The following DDX52 variants were observed in gnomAD, a reference collection of about 807,000 sequenced individuals.
DDX52 encodes DExD-box helicase 52.
DDX52 carries 59 observed loss-of-function variants against 76.1 expected under a neutral mutation model. The ratio of observed to expected loss-of-function variants is 0.78; its 90% CI spans 0.63 to 0.96. The LOEUF (loss-of-function observed/expected upper bound fraction) is 0.96, where lower values mean the gene tolerates loss of function less well. DDX52 is among the 40% of genes least tolerant of loss of function. DDX52 has a pLI of 0.00. For missense variants in DDX52, 707 were observed against 703.9 expected (o/e 1.00, Z -0.05); for synonymous variants, 231 against 244.1 (o/e 0.95, Z 0.50).
chr17:37,618,451 A>T, intron 13 of DDX52, 67 bp from the exon 14 acceptor site: 1 of 1,332,480 alleles, frequency 7.5e-7, no homozygotes, highest in Non-Finnish European at 1.0e-6. Flanking sequence ...TTAAAGCTAA[A>T]ATTAGTTTTG....
At chr17:37,640,460 T>C (rs12232470) in intron 2 of DDX52, among the ~76,000 whole-genome samples, 34,278 of 151,930 alleles carry the variant, frequency 0.23, 4,152 homozygotes, top group South Asian at 0.46. Flanking sequence ...ATTTGTTTTT[T>C]TTTGAGTCAG....
At chr17:37,617,921 G>A (rs1316749006) in intron 14 of DDX52, among the ~76,000 whole-genome samples, 1 of 152,000 alleles carries the variant, frequency 6.6e-6, no homozygotes, top group Admixed American at 6.6e-5. Context: ...GCTCAGCCTG[G>A]CCAACATGGT....
At chr17:37,621,768 T>A (rs1238971633) in intron 9 of DDX52, among the ~76,000 whole-genome samples, 1 of 152,196 alleles carries the variant, frequency 6.6e-6, no homozygotes, top group African/African-American at 2.4e-5. Flanking sequence ...TCAATCCCCC[T>A]ACACCCCACT....
chr17:37,626,152 T>C (rs1480052503), intron 7 of DDX52, 54 bp from the exon 8 acceptor site: 1 of 1,590,966 alleles, frequency 6.3e-7, no homozygotes, highest in Non-Finnish European at 8.6e-7. Flanking sequence ...CCAAGACACT[T>C]CACTAAACTG....
chr17:37,618,480 C>CT, intron 13 of DDX52, 96 bp from the exon 14 acceptor site: 1 of 1,061,468 alleles, frequency 9.4e-7, no homozygotes, highest in African/African-American at 1.7e-5. Context: ...TCACAAAATT[C>CT]ATTTTTTTTT....
chr17:37,614,396 G>A lies in DDX52; in HGVS notation c.1743-43C>T, dbSNP rs200428925. 94 of 1,579,948 alleles carry A rather than the reference G, an allele frequency of 5.9e-5. No homozygotes were observed. In the African/African-American group the frequency reaches 9.8e-4, roughly 16 times the overall value. On this transcript the variant is annotated intron_variant, in intron 14 of 14. Coordinates refer to ENST00000617633, the MANE Select transcript of DDX52 (RefSeq NM_007010.5). The stretch of plus-strand genomic sequence containing the variant: ...AGAAAAATTGAATAAAAAATTCTAC[G>A]TATATTTACTTTCCATAACCCTACC...
intron 2 of DDX52, among the ~76,000 whole-genome samples, chr17:37,633,940 CTTTTT>C (rs557054736): frequency 2.7e-4 from 35 of 129,992 alleles, no homozygotes; most frequent in African/African-American, 7.3e-4. Flanking sequence ...AATTTCTTTC[CTTTTT>C]TTTTTTTTTT....
chr17:37,614,265 A>C lies in DDX52; in HGVS notation c.*31T>G. On this transcript the variant is annotated 3_prime_UTR_variant, in exon 15 of 15. Transcript: ENST00000617633. ...ATTCATGCTGGGATCATAAAATTAC[A>C]TTTCTGGGACAGTATTTTTAAAGTC... The C allele has an allele frequency of 6.2e-7, 1 of 1,601,600 alleles. No individual in the cohort carries two copies. Among genetic ancestry groups the C allele is most frequent in the Non-Finnish European group, 8.5e-7 (1 of 1,173,100 alleles).
chr17:37,631,383 T>C (rs532714523), intron 4 of DDX52: 2 of 152,370 alleles, frequency 1.3e-5, no homozygotes, highest in South Asian at 4.1e-4. Flanking sequence ...GATTAATGTG[T>C]GATTCCACTC....
At position 37,612,322 on chromosome 17, in the gene DDX52, C is replaced by T. The variant is rs2064377408; in HGVS notation, c.*1974G>A. ...AAACTCCTGAGCTCAGACAACCTGCCCGCCTAGGCCTCCCGAAGTGTTAGG... is the reference window on the plus strand; with the variant it reads ...AAACTCCTGAGCTCAGACAACCTGCTCGCCTAGGCCTCCCGAAGTGTTAGG... On this transcript the variant is annotated 3_prime_UTR_variant, in exon 15 of 15. Coordinates refer to ENST00000617633, the MANE Select transcript of DDX52 (RefSeq NM_007010.5). 1 of 152,046 alleles carries T rather than the reference C, an allele frequency of 6.6e-6. No homozygotes were observed. The highest frequency in any genetic ancestry group is 1.5e-5 in the Non-Finnish European group (1 of 68,020). 9.4% of individuals were successfully genotyped at this position (152,046 alleles called of 1,614,324 possible). A position where few individuals can be genotyped will look rare whatever the true frequency, so the allele number is the denominator to read the frequency against.
In DDX52 at chr17:37,610,799, A is replaced by G. The variant is rs2064328013; in HGVS notation, c.*3497T>C. ...CTCTAAAGTCCTTGCTCATTTCACC[A>G]GAGCCAGCTATTCAATTTTTATGTT... On this transcript the variant is annotated 3_prime_UTR_variant, in exon 15 of 15. Coordinates refer to ENST00000617633, the MANE Select transcript of DDX52 (RefSeq NM_007010.5). 6.6e-6 allele frequency: 1 copy of G among 152,212 alleles called. No homozygotes were observed. The highest frequency in any genetic ancestry group is 1.5e-5 in the Non-Finnish European group (1 of 68,046). 9.4% of individuals were successfully genotyped at this position (152,212 alleles called of 1,614,324 possible). A position where few individuals can be genotyped will look rare whatever the true frequency, so the allele number is the denominator to read the frequency against.
intron 2 of DDX52, 68 bp from the exon 3 acceptor site, chr17:37,633,486 C>CAA: frequency 8.1e-7 from 1 of 1,236,778 alleles, no homozygotes; most frequent in Non-Finnish European, 1.0e-6. Context: ...CCCGTCTCTT[C>CAA]AAAAAAAAAT....
Position 37,632,140 on chromosome 17 carries a change from T to A in DDX52, c.576A>T (p.Gln192His), listed in dbSNP as rs775518955. 6.2e-7 allele frequency: 1 copy of A among 1,613,104 alleles called. No homozygotes were observed. The highest frequency in any genetic ancestry group is 1.3e-5 in the African/African-American group (1 of 74,662). Residue 192 changes from glutamine to histidine, a missense_variant, in exon 4 of 15, where the codon CAA becomes CAT. Transcript: ENST00000617633. ...DAGFQMPTPI[Q>H]MQAIPVMLHG... ...GCAGCATAACTGGGATGGCTTGCAT[T>A]TGGATTGGCGTAGGCATTTGGAAAC...
chr17:37,642,970 G>A (rs1244442340), intron 1 of DDX52: 2 of 185,622 alleles, frequency 1.1e-5, no homozygotes, highest in East Asian at 1.4e-4. Context: ...GGAGACTATA[G>A]TAAGAGAATC....
At position 37,619,929 on chromosome 17, in the gene DDX52, A is replaced by T. The variant is rs879243287; in HGVS notation, c.1578-90T>A. On this transcript the variant is annotated intron_variant, in intron 12 of 14. Transcript: ENST00000617633. ...CCTCTGCACAACCTTACAGGGAACTAAAACTACACAAAGTAATCCACAAAG... is the reference window on the plus strand; with the variant it reads ...CCTCTGCACAACCTTACAGGGAACTTAAACTACACAAAGTAATCCACAAAG... 2.6e-5 allele frequency: 32 copies of T among 1,228,180 alleles called. No homozygotes were observed. The South Asian group carries it at 4.0e-4, about 15-fold the overall frequency. The allele number at this position is 1,228,180 out of a possible 1,614,324, so 76.1% of individuals were successfully genotyped here.
Position 37,624,364 on chromosome 17 carries a change from C to A in DDX52, c.1207G>T (p.Val403Leu). ...VGSETGKLLA[V>L]RELVKKGFNP... is the part of the protein sequence containing the mutation. Reference sequence around the variant, plus strand: ...TATACCTTTTTAACAAGTTCTCTCACGGCCAGAAGTTTTCCGGTCTCAGAT... The same window carrying A: ...TATACCTTTTTAACAAGTTCTCTCAAGGCCAGAAGTTTTCCGGTCTCAGAT... The change falls in exon 9 of 15, where the codon GTG becomes TTG. Residue 403 changes from valine to leucine, a missense_variant. By Grantham distance (32) the Val-to-Leu change is conservative (BLOSUM62 1). Coordinates refer to ENST00000617633, the MANE Select transcript of DDX52 (RefSeq NM_007010.5). 6.2e-7 allele frequency: 1 copy of A among 1,607,100 alleles called. No homozygotes were observed. The highest frequency in any genetic ancestry group is 8.5e-7 in the Non-Finnish European group (1 of 1,175,796).
Position 37,610,133 on chromosome 17 carries a change from T to A in DDX52, c.*4163A>T, listed in dbSNP as rs2064286892. The A allele has an allele frequency of 1.3e-5, 2 of 152,132 alleles. No individual in the cohort carries two copies. Among genetic ancestry groups the A allele is most frequent in the Non-Finnish European group, 2.9e-5 (2 of 68,274 alleles). 9.4% of individuals were successfully genotyped at this position (152,132 alleles called of 1,614,324 possible). A position where few individuals can be genotyped will look rare whatever the true frequency, so the allele number is the denominator to read the frequency against. ...TTCGGCATATTTTTTACTGATTTTT[T>A]TTTTTTTTGAGACAGGGTCTTGCTC... On this transcript the variant is annotated 3_prime_UTR_variant, in exon 15 of 15. Coordinates refer to ENST00000617633, the MANE Select transcript of DDX52 (RefSeq NM_007010.5).
At chr17:37,637,667 C>A (rs1340568216) in intron 2 of DDX52, among the ~76,000 whole-genome samples, 1 of 151,826 alleles carries the variant, frequency 6.6e-6, no homozygotes, top group African/African-American at 2.4e-5. Context: ...CTCTGCCTCC[C>A]AGGTTCAAGC....
chr17:37,628,791 A>G (rs150716301), intron 5 of DDX52, 119 bp from the exon 6 acceptor site: 11 of 710,510 alleles, frequency 1.5e-5, no homozygotes, highest in African/African-American at 7.2e-5. Flanking sequence ...AATTAAACTC[A>G]TAACAATCTG....
Sources: gnomAD v4.1 joint callset for allele counts (sites outside exome capture counted in the v4.1 genomes callset) on GRCh38, gnomAD v4.1.1 for gene constraint, MANE v1.5 for transcripts, NCBI Gene and HGNC (gene_info 2026-07-23, HGNC 2026-07-21) for gene names.